MET: variants seen among roughly 807,000 people sequenced by gnomAD.
MET encodes the protein hepatocyte growth factor receptor.
Under a neutral mutation model 133.1 loss-of-function variants are expected in MET, and 48 were observed. The ratio of observed to expected loss-of-function variants is 0.36; its 90% CI spans 0.29 to 0.46. MET has a LOEUF of 0.46. Ranked by LOEUF, MET falls within the 20% of genes least tolerant of loss-of-function variation. The probability of loss-of-function intolerance (pLI) is 1.00; values close to 1 mark genes in which losing one functional copy is unlikely to be tolerated. For synonymous variants in MET, 628 were observed against 616.5 expected (o/e 1.02, Z -0.28); for missense variants, 1,442 against 1,695.9 (o/e 0.85, Z 2.63).
At chr7:116,772,139 T>C (rs1459288836) in intron 14 of MET, 150 bp downstream of exon 14, 17 of 804,688 alleles carry the variant, frequency 2.1e-5, no homozygotes, top group Non-Finnish European at 3.3e-5. Context: ...GACACAAAAT[T>C]ACATGGCTCT....
At chr7:116,726,943 T>C (rs1323736658) in intron 2 of MET, among the ~76,000 whole-genome samples, 1 of 152,104 alleles carries the variant, frequency 6.6e-6, no homozygotes, top group Non-Finnish European at 1.5e-5. Flanking sequence ...AGCACCACTG[T>C]GGACCAGGCT....
At chr7:116,703,254 A>AT (rs970200705) in intron 2 of MET, among the ~76,000 whole-genome samples, 3 of 152,122 alleles carry the variant, frequency 2.0e-5, no homozygotes, top group South Asian at 2.1e-4. Context: ...CAATGTGTCC[A>AT]TTTTTTATGT....
Position 116,678,428 on chromosome 7 carries a change from G to T in MET, c.-15+5851G>T, listed in dbSNP as rs530961604. On this transcript the variant is annotated intron_variant, in intron 1 of 20. Coordinates refer to ENST00000397752, the MANE Select transcript of MET (RefSeq NM_000245.4). Reference sequence around the variant, plus strand: ...AGACTCTCAGGTCCAATTTGAAAATGTATGTTTTTTTTTAAAAAAGAATGA... The same window carrying T: ...AGACTCTCAGGTCCAATTTGAAAATTTATGTTTTTTTTTAAAAAAGAATGA... Among the ~76,000 whole-genome samples, 4 of 99,284 alleles carry T rather than the reference G, an allele frequency of 4.0e-5. No homozygotes were observed. The East Asian group carries it at 1.1e-3, about 27-fold the overall frequency. 65.1% of individuals were successfully genotyped at this position (99,284 alleles called of 152,430 possible). A position where few individuals can be genotyped will look rare whatever the true frequency, so the allele number is the denominator to read the frequency against.
At chr7:116,741,067 G>GTTTTTTTTTTTTTTTTTGTTTGGTT in intron 5 of MET, 42 bp downstream of exon 5, 2 of 1,348,774 alleles carry the variant, frequency 1.5e-6, no homozygotes, top group Non-Finnish European at 2.0e-6. Flanking sequence ...TTTGTTTGGT[G>GTTTTTTTTTTTTTTTTTGTTTGGTT]TTTTTTTTTT....
chr7:116,771,461 G>T (rs2116990931), intron 12 of MET, 37 bp from the exon 13 acceptor site: 1 of 1,612,670 alleles, frequency 6.2e-7, no homozygotes, highest in South Asian at 1.1e-5. Flanking sequence ...TATCTATCAT[G>T]GCTAAATGCT....
chr7:116,771,436 C>T (rs2116990690), intron 12 of MET, 62 bp from the exon 13 acceptor site: 1 of 1,597,620 alleles, frequency 6.3e-7, no homozygotes, highest in Non-Finnish European at 8.6e-7. Flanking sequence ...AGTGCTACAA[C>T]CTGTGTAGTA....
Position 116,771,614 on chromosome 7 carries a change from T to C in MET, c.2847T>C (p.Leu949=). Residue 949 remains leucine (L), a synonymous_variant, in exon 13 of 21, where the codon CTT becomes CTC. Coordinates refer to ENST00000397752, the MANE Select transcript of MET (RefSeq NM_000245.4). ...VSISTALLLL[L]GFFLWLKKRK... Reference sequence around the variant, plus strand: ...TATCAACAGCACTGTTATTACTACTTGGGTTTTTCCTGTGGCTGAAAAAGA... The same window carrying C: ...TATCAACAGCACTGTTATTACTACTCGGGTTTTTCCTGTGGCTGAAAAAGA... 1 of 1,613,964 alleles carries C rather than the reference T, an allele frequency of 6.2e-7. No individual in the cohort carries two copies. The highest frequency in any genetic ancestry group is 1.1e-5 in the South Asian group (1 of 91,078).
In MET at chr7:116,775,001, C is replaced by G. The variant is rs1179812872; in HGVS notation, c.3149C>G (p.Thr1050Ser). 2 of 1,614,080 alleles carry G rather than the reference C, an allele frequency of 1.2e-6. No homozygotes were observed. Among genetic ancestry groups the G allele is most frequent in the East Asian group, 4.5e-5 (2 of 44,900 alleles). ...ATATCCAGTCCATTACTGCAAAATA[C>G]TGTCCACATTGACCTCAGTGCTCTA... ...SDISSPLLQN[T>S]VHIDLSALNP... Residue 1050 changes from threonine to serine, a missense_variant, in exon 15 of 21, where the codon ACT (threonine) becomes AGT (serine). Thr to Ser is a moderately conservative substitution (Grantham distance 58). Around this residue, in one of 6 missense-constraint regions of MET, gnomAD observed 514 missense variants for 659.6 expected, o/e 0.78. Coordinates refer to ENST00000397752, the MANE Select transcript of MET (RefSeq NM_000245.4).
intron 1 of MET, among the ~76,000 whole-genome samples, chr7:116,677,000 G>GT (rs1464813176): frequency 2.1e-5 from 3 of 142,416 alleles, no homozygotes; most frequent in Admixed American, 1.4e-4. Flanking sequence ...TTTTTTTTTT[G>GT]TTTTTTTGTT....
intron 17 of MET, 147 bp from the exon 18 acceptor site, chr7:116,781,841 G>A: frequency 1.5e-6 from 1 of 648,672 alleles, no homozygotes; most frequent in Non-Finnish European, 2.7e-6. Flanking sequence ...GCCTCTCAAA[G>A]TTCTGGGATT....
chr7:116,734,786 A>G (rs939049796), intron 3 of MET, among the ~76,000 whole-genome samples: 2 of 152,224 alleles, frequency 1.3e-5, no homozygotes, highest in African/African-American at 4.8e-5. Flanking sequence ...TGTAGAACAG[A>G]GTCAGACTTG....
intron 2 of MET, among the ~76,000 whole-genome samples, 200 bp from the exon 3 acceptor site, chr7:116,731,468 T>G (rs1038419114): frequency 1.3e-5 from 2 of 152,226 alleles, no homozygotes; most frequent in African/African-American, 4.8e-5. Context: ...TAGTAAGGTT[T>G]TAGAGTCTAT....
chr7:116,749,350 A>T (rs1461530441), intron 5 of MET, among the ~76,000 whole-genome samples: 2 of 152,230 alleles, frequency 1.3e-5, no homozygotes, highest in Non-Finnish European at 2.9e-5. Context: ...AGAACCAATG[A>T]CAAAAACCAC....
chr7:116,684,803 G>T (rs955730089), intron 1 of MET, among the ~76,000 whole-genome samples: 1 of 152,152 alleles, frequency 6.6e-6, no homozygotes, highest in African/African-American at 2.4e-5. Flanking sequence ...TCTGCCAAGG[G>T]GTTGACATTT....
intron 5 of MET, among the ~76,000 whole-genome samples, chr7:116,744,797 C>T (rs943197266): frequency 1.3e-5 from 2 of 152,122 alleles, no homozygotes; most frequent in Non-Finnish European, 2.9e-5. Flanking sequence ...AGAGAAAAGT[C>T]GGGTTACCCA....
At chr7:116,790,766 T>C (rs189253889) in intron 19 of MET, among the ~76,000 whole-genome samples, 1 of 152,274 alleles carries the variant, frequency 6.6e-6, no homozygotes, top group Admixed American at 6.5e-5. Flanking sequence ...ACATTTTATT[T>C]ATCCATTCAC....
At chr7:116,749,021 G>A (rs1225893232) in intron 5 of MET, among the ~76,000 whole-genome samples, 1 of 152,174 alleles carries the variant, frequency 6.6e-6, no homozygotes, top group African/African-American at 2.4e-5. Flanking sequence ...AATTCTACCA[G>A]AGGTACAAAG....
Position 116,763,233 on chromosome 7 carries a change from A to G in MET, c.2548A>G (p.Ile850Val), listed in dbSNP as rs200524064. 15 of 1,613,880 alleles carry G rather than the reference A, an allele frequency of 9.3e-6. No homozygotes were observed. In the African/African-American group the frequency reaches 1.9e-4, roughly 20 times the overall value. ...TAAGCCTTTTGAAAAGCCAGTGATG[A>G]TCTCAATGGGCAATGAAAATGTACT... ...VFKPFEKPVM[I>V]SMGNENVLEI... The change falls in exon 11 of 21, where the codon ATC becomes GTC. Residue 850 changes from isoleucine to valine, a missense_variant. Ile to Val is a conservative substitution (Grantham distance 29, BLOSUM62 3). Coordinates refer to ENST00000397752, the MANE Select transcript of MET (RefSeq NM_000245.4).
chr7:116,737,503 C>G (rs1793264478), intron 3 of MET, among the ~76,000 whole-genome samples: 1 of 152,164 alleles, frequency 6.6e-6, no homozygotes, highest in Non-Finnish European at 1.5e-5. Context: ...TTTAAGAGGT[C>G]AAGCACATGG....
Sources: gnomAD v4.1 joint callset for allele counts (sites outside exome capture counted in the v4.1 genomes callset) on GRCh38, gnomAD v4.1.1 for gene constraint, gnomAD v4.1.1 regional missense constraint, MANE v1.5 for transcripts, NCBI Gene and HGNC (gene_info 2026-07-23, HGNC 2026-07-21) for gene names.